The following GNAQ variants were observed in gnomAD, a reference collection of about 807,000 sequenced individuals.
The protein encoded by GNAQ is guanine nucleotide-binding protein G(q) subunit alpha.
GNAQ carries 8 observed loss-of-function variants against 43.9 expected under a neutral mutation model. That is an observed-to-expected ratio of 0.18 (90% CI 0.11 to 0.33). GNAQ has a LOEUF of 0.33. Ranked by LOEUF, GNAQ falls within the 10% of genes least tolerant of loss-of-function variation. The probability of loss-of-function intolerance (pLI) is 1.00; values close to 1 mark genes in which losing one functional copy is unlikely to be tolerated. For synonymous variants in GNAQ, 155 were observed against 170.7 expected (o/e 0.91, Z 0.71); for missense variants, 158 against 450.8 (o/e 0.35, Z 5.88).
intron 1 of GNAQ, among the ~76,000 whole-genome samples, chr9:78,000,800 A>T (rs1310761631): frequency 1.3e-5 from 2 of 152,202 alleles, no homozygotes; most frequent in Admixed American, 6.5e-5. Context: ...GAACTTACTA[A>T]AATAACCTTT....
intron 1 of GNAQ, among the ~76,000 whole-genome samples, chr9:77,982,867 GCA>G (rs141920584): frequency 0.29 from 44,565 of 151,562 alleles, 6,723 homozygotes; most frequent in South Asian, 0.43. Context: ...AATGGGTGCG[GCA>G]CACACCAACA....
chr9:77,806,595 C>A (rs973872898), intron 3 of GNAQ, among the ~76,000 whole-genome samples: 2 of 152,172 alleles, frequency 1.3e-5, no homozygotes, highest in Non-Finnish European at 2.9e-5. Flanking sequence ...ACTGTAGTCA[C>A]TGGAGAATAG....
At chr9:77,727,740 G>A (rs1825419988) in intron 6 of GNAQ, among the ~76,000 whole-genome samples, 1 of 152,088 alleles carries the variant, frequency 6.6e-6, no homozygotes, top group African/African-American at 2.4e-5. Flanking sequence ...TGGTCGTAAG[G>A]CCCAGAAAAA....
chr9:77,909,776 T>C (rs893966920), intron 2 of GNAQ, among the ~76,000 whole-genome samples: 8 of 150,646 alleles, frequency 5.3e-5, no homozygotes, highest in African/African-American at 2.0e-4. Flanking sequence ...TTAAGAAACA[T>C]AAAATCAGGA....
At chr9:77,748,261 T>C (rs1321916255) in intron 5 of GNAQ, among the ~76,000 whole-genome samples, 2 of 152,254 alleles carry the variant, frequency 1.3e-5, no homozygotes, top group African/African-American at 2.4e-5. Context: ...CTTTAGGTAG[T>C]ATCTTTTTGA....
At chr9:78,026,244 T>C (rs1369171518) in intron 1 of GNAQ, among the ~76,000 whole-genome samples, 1 of 152,172 alleles carries the variant, frequency 6.6e-6, no homozygotes, top group African/African-American at 2.4e-5. Context: ...AGAAATAGCA[T>C]ATAGGGGTAA....
intron 1 of GNAQ, among the ~76,000 whole-genome samples, chr9:77,996,188 G>A (rs1282231136): frequency 2.0e-5 from 3 of 152,196 alleles, no homozygotes; most frequent in Non-Finnish European, 4.4e-5. Flanking sequence ...ATGCTTTGCT[G>A]TTCCCAGGAC....
chr9:78,006,029 G>C (rs1227782874), intron 1 of GNAQ, among the ~76,000 whole-genome samples: 1 of 152,142 alleles, frequency 6.6e-6, no homozygotes, highest in Non-Finnish European at 1.5e-5. Flanking sequence ...GTTATTGCAC[G>C]CAGGCTTACT....
intron 5 of GNAQ, among the ~76,000 whole-genome samples, chr9:77,776,934 T>C (rs960552699): frequency 1.3e-5 from 2 of 150,762 alleles, no homozygotes; most frequent in Non-Finnish European, 3.0e-5. Context: ...AGGACTCAAA[T>C]AGTCAAAACA....
At chr9:77,841,422 G>A (rs1157487554) in intron 2 of GNAQ, among the ~76,000 whole-genome samples, 1 of 152,102 alleles carries the variant, frequency 6.6e-6, no homozygotes, top group African/African-American at 2.4e-5. Context: ...AAACCAGCAC[G>A]GCCACAGAGA....
chr9:77,741,276 C>G (rs1203010203), intron 5 of GNAQ, among the ~76,000 whole-genome samples: 1 of 152,110 alleles, frequency 6.6e-6, no homozygotes, highest in Non-Finnish European at 1.5e-5. Flanking sequence ...TCACAGCCAC[C>G]TGAATTATTA....
chr9:77,837,945 C>T (rs1827418433), intron 2 of GNAQ, among the ~76,000 whole-genome samples: 1 of 149,390 alleles, frequency 6.7e-6, no homozygotes, highest in Non-Finnish European at 1.5e-5. Context: ...GCAACCTCTG[C>T]CTCCCAAGTT....
intron 2 of GNAQ, among the ~76,000 whole-genome samples, chr9:77,848,851 CA>C (rs1226042581): frequency 1.3e-5 from 2 of 152,132 alleles, no homozygotes; most frequent in Non-Finnish European, 2.9e-5. Flanking sequence ...GGAAAGAACA[CA>C]AGCAACACTA....
At chr9:77,770,953 T>C (rs528836196) in intron 5 of GNAQ, among the ~76,000 whole-genome samples, 75 of 150,646 alleles carry the variant, frequency 5.0e-4, no homozygotes, top group Non-Finnish European at 9.4e-4. Flanking sequence ...ACATTTTTCA[T>C]TTTCTGAAAA....
chr9:77,950,497 T>C (rs944154771), intron 1 of GNAQ, among the ~76,000 whole-genome samples: 2 of 152,216 alleles, frequency 1.3e-5, no homozygotes, highest in African/African-American at 4.8e-5. Flanking sequence ...CTGCAACCTA[T>C]TGCCCATCTA....
rs554783626 is a variant in GNAQ, at chr9:77,904,317, C to CTTTTTTTTTTTTTTT, written c.321+17829_321+17843dup. Among the ~76,000 whole-genome samples the CTTTTTTTTTTTTTTT allele has an allele frequency of 2.8e-4, 22 of 77,430 alleles. 4 individuals carry two copies. In the East Asian group the frequency reaches 2.9e-3, roughly 10 times the overall value. The allele number at this position is 77,430 out of a possible 152,430, so 50.8% of individuals were successfully genotyped here. A position where few individuals can be genotyped will look rare whatever the true frequency, so the allele number is the denominator to read the frequency against. On this transcript the variant is annotated intron_variant, in intron 2 of 6. Coordinates refer to ENST00000286548, the MANE Select transcript of GNAQ (RefSeq NM_002072.5). ...TGGAGTTAACAGAAGTTCACACCGG[C>CTTTTTTTTTTTTTTT]TTTTTTTTTTTTTTTTTTTTTTTTT...
intron 2 of GNAQ, among the ~76,000 whole-genome samples, chr9:77,821,363 T>C (rs1443900912): frequency 1.3e-5 from 2 of 152,170 alleles, no homozygotes; most frequent in Non-Finnish European, 2.9e-5. Flanking sequence ...CCCTCCTTTA[T>C]TGTTTAAAAT....
chr9:77,937,851 C>T (rs1285552059), intron 1 of GNAQ, among the ~76,000 whole-genome samples: 1 of 152,154 alleles, frequency 6.6e-6, no homozygotes, highest in African/African-American at 2.4e-5. Flanking sequence ...GAGATTGCAC[C>T]ATTGCACTCC....
intron 1 of GNAQ, among the ~76,000 whole-genome samples, chr9:78,012,456 C>G (rs1240712089): frequency 6.6e-6 from 1 of 152,074 alleles, no homozygotes; most frequent in African/African-American, 2.4e-5. Context: ...ATCCACCCGC[C>G]TTGGCCTCCC....
Sources: allele counts gnomAD v4.1 joint callset (sites outside exome capture counted in the v4.1 genomes callset), GRCh38; gene constraint gnomAD v4.1.1; transcripts MANE v1.5; gene names NCBI Gene and HGNC (gene_info 2026-07-23, HGNC 2026-07-21).